Variants in ERBB4 observed in about 807,000 individuals in gnomAD.
ERBB4 encodes receptor tyrosine-protein kinase erbB-4.
A neutral mutation model predicts 158.0 loss-of-function variants in ERBB4; 42 were observed. The observed-to-expected ratio is 0.27, with a 90% CI of 0.21 to 0.34. The LOEUF is 0.34. ERBB4 is among the 10% of genes least tolerant of loss of function. The pLI is 1.00. For synonymous variants in ERBB4, 583 were observed against 558.7 expected (o/e 1.04, Z -0.61); for missense variants, 1,333 against 1,624.1 (o/e 0.82, Z 3.08).
chr2:212,285,861 C>T (rs1405203969), intron 1 of ERBB4, among the ~76,000 whole-genome samples: 2 of 151,870 alleles, frequency 1.3e-5, no homozygotes, highest in East Asian at 3.9e-4. Context: ...TCAAAAATAC[C>T]CAGTAATAGA....
At chr2:211,457,490 A>G (rs2064412090) in intron 20 of ERBB4, among the ~76,000 whole-genome samples, 1 of 152,212 alleles carries the variant, frequency 6.6e-6, no homozygotes, top group Non-Finnish European at 1.5e-5. Flanking sequence ...CAAAAGCTCC[A>G]ACTGCCACTT....
At chr2:211,454,406 T>G (rs1044879854) in intron 20 of ERBB4, among the ~76,000 whole-genome samples, 23 of 152,178 alleles carry the variant, frequency 1.5e-4, no homozygotes, top group Admixed American at 1.2e-3. Flanking sequence ...TTCAGTTTAG[T>G]CTAAATCCAT....
At chr2:212,324,417 CATT>C (rs1241388597) in intron 1 of ERBB4, among the ~76,000 whole-genome samples, 1 of 149,980 alleles carries the variant, frequency 6.7e-6, no homozygotes, top group Non-Finnish European at 1.5e-5. Flanking sequence ...TTAACCCAAT[CATT>C]GTGTTTAACA....
chr2:212,491,730 C>T (rs1690289899), intron 1 of ERBB4, among the ~76,000 whole-genome samples: 1 of 151,516 alleles, frequency 6.6e-6, no homozygotes, highest in Non-Finnish European at 1.5e-5. Flanking sequence ...TTGGCATGCT[C>T]ATCCCTCAGT....
chr2:211,545,207 A>T lies in ERBB4; in HGVS notation c.2487+16696T>A, dbSNP rs114330119. 5.6e-3 allele frequency among the ~76,000 whole-genome samples: 847 copies of T among 152,040 alleles called. 10 individuals carry two copies. Among genetic ancestry groups the T allele is most frequent in the African/African-American group, 0.019 (796 of 41,510 alleles). On this transcript the variant is annotated intron_variant, in intron 20 of 27. Transcript: ENST00000342788. Reference sequence around the variant, plus strand: ...AAATTTAAATGGCTAGACGCTTAACATTTTTTTTAAAGTACAAAAAGATAA... The same window carrying T: ...AAATTTAAATGGCTAGACGCTTAACTTTTTTTTTAAAGTACAAAAAGATAA...
At chr2:211,748,184 T>C (rs1394093025) in intron 5 of ERBB4, among the ~76,000 whole-genome samples, 2 of 151,986 alleles carry the variant, frequency 1.3e-5, no homozygotes, top group Non-Finnish European at 2.9e-5. Context: ...ATACATATAA[T>C]CTATACACTG....
intron 20 of ERBB4, among the ~76,000 whole-genome samples, chr2:211,516,795 T>C (rs1407909737): frequency 6.6e-6 from 1 of 152,176 alleles, no homozygotes; most frequent in Non-Finnish European, 1.5e-5. Flanking sequence ...CAAGAAGTAG[T>C]AGCTCTGAAG....
chr2:212,137,662 T>G (rs1436890469), intron 1 of ERBB4, among the ~76,000 whole-genome samples: 1 of 152,232 alleles, frequency 6.6e-6, no homozygotes, highest in Non-Finnish European at 1.5e-5. Context: ...TATAACAGAA[T>G]GATTTATATT....
chr2:212,353,557 T>C (rs1360554862), intron 1 of ERBB4, among the ~76,000 whole-genome samples: 1 of 151,940 alleles, frequency 6.6e-6, no homozygotes, highest in Non-Finnish European at 1.5e-5. Context: ...TGAAAATTTG[T>C]ACTCTAAATT....
chr2:212,167,379 C>T (rs1253920930), intron 1 of ERBB4, among the ~76,000 whole-genome samples: 2 of 152,026 alleles, frequency 1.3e-5, no homozygotes, highest in Non-Finnish European at 2.9e-5. Flanking sequence ...CAAATCAAAA[C>T]CACAATGAGA....
intron 2 of ERBB4, among the ~76,000 whole-genome samples, chr2:212,062,597 G>A (rs1245687053): frequency 6.6e-6 from 1 of 151,768 alleles, no homozygotes; most frequent in Non-Finnish European, 1.5e-5. Flanking sequence ...AGTACAGAGG[G>A]GGTTTCACCA....
chr2:211,886,109 G>A lies in ERBB4; in HGVS notation c.421+61321C>T, dbSNP rs184622080. Among the ~76,000 whole-genome samples, 93 of 152,180 alleles carry A rather than the reference G, an allele frequency of 6.1e-4. No homozygotes were observed. The Middle Eastern group carries it at 0.01, about 17-fold the overall frequency. ...TTCTTTTTAGATGATATCTTCTTGGGCATATACAGTTTCTGTTTTCTCTGT... is the reference window on the plus strand; with the variant it reads ...TTCTTTTTAGATGATATCTTCTTGGACATATACAGTTTCTGTTTTCTCTGT... On this transcript the variant is annotated intron_variant, in intron 3 of 27. Coordinates refer to ENST00000342788, the MANE Select transcript of ERBB4 (RefSeq NM_005235.3).
At chr2:211,629,052 T>G (rs1294741883) in intron 17 of ERBB4, among the ~76,000 whole-genome samples, 1 of 152,146 alleles carries the variant, frequency 6.6e-6, no homozygotes, top group African/African-American at 2.4e-5. Context: ...TTTGAGTTCA[T>G]TTTAGATTCT....
chr2:211,658,096 G>T, intron 15 of ERBB4: 1 of 805,446 alleles, frequency 1.2e-6, no homozygotes, highest in Non-Finnish European at 1.9e-6. Context: ...ATAACTATTA[G>T]ACTATTTTGG....
intron 3 of ERBB4, among the ~76,000 whole-genome samples, chr2:211,801,405 T>C (rs2076495045): frequency 6.6e-6 from 1 of 152,138 alleles, no homozygotes; most frequent in African/African-American, 2.4e-5. Flanking sequence ...TTTTCTTTGC[T>C]TGATATAGTT....
At chr2:212,215,190 A>G (rs1331986398) in intron 1 of ERBB4, among the ~76,000 whole-genome samples, 1 of 151,508 alleles carries the variant, frequency 6.6e-6, no homozygotes, top group Non-Finnish European at 1.5e-5. Flanking sequence ...AATTCACAGC[A>G]TTTTATGCTT....
intron 2 of ERBB4, among the ~76,000 whole-genome samples, chr2:212,112,484 A>T (rs1333616417): frequency 6.6e-6 from 1 of 151,158 alleles, no homozygotes; most frequent in Non-Finnish European, 1.5e-5. Flanking sequence ...CCTTGTACTG[A>T]TTTTTCTAAA....
At chr2:212,051,543 T>C (rs1047759758) in intron 2 of ERBB4, among the ~76,000 whole-genome samples, 13 of 152,180 alleles carry the variant, frequency 8.5e-5, no homozygotes, top group African/African-American at 3.1e-4. Flanking sequence ...GATTACTTCT[T>C]ACAGGAACTC....
At chr2:212,234,188 T>A in intron 1 of ERBB4, among the ~76,000 whole-genome samples, 1 of 152,076 alleles carries the variant, frequency 6.6e-6, no homozygotes. Flanking sequence ...TGTGTCCATG[T>A]GTTCTTATTG....
Sources: allele counts gnomAD v4.1 joint callset (sites outside exome capture counted in the v4.1 genomes callset), GRCh38; gene constraint gnomAD v4.1.1; transcripts MANE v1.5; gene names NCBI Gene and HGNC (gene_info 2026-07-23, HGNC 2026-07-21).